EIF3A: variants seen among roughly 807,000 people sequenced by gnomAD.
The protein encoded by EIF3A is eukaryotic translation initiation factor 3 subunit A, also known as EIF3, p180 subunit.
EIF3A carries 21 observed loss-of-function variants against 186.6 expected under a neutral mutation model. The ratio of observed to expected loss-of-function variants is 0.11; its 90% CI spans 0.08 to 0.16. The LOEUF (loss-of-function observed/expected upper bound fraction) is 0.16, where lower values mean the gene tolerates loss of function less well. EIF3A is among the 10% of genes least tolerant of loss of function. The pLI is 1.00. For synonymous variants in EIF3A, 563 were observed against 584.3 expected (o/e 0.96, Z 0.52); for missense variants, 1,306 against 1,796.3 (o/e 0.73, Z 4.93).
At chr10:119,038,886 C>T (rs749811782) in intron 19 of EIF3A, among the ~76,000 whole-genome samples, 19 of 152,050 alleles carry the variant, frequency 1.2e-4, no homozygotes, top group Non-Finnish European at 2.6e-4. Context: ...GATAGTGCCA[C>T]TGTACTCCAG....
chr10:119,044,512 T>C (rs1848256157), intron 17 of EIF3A, among the ~76,000 whole-genome samples: 1 of 152,220 alleles, frequency 6.6e-6, no homozygotes, highest in Admixed American at 6.5e-5. Context: ...TTTTATTTAA[T>C]GTCTAATGGG....
intron 15 of EIF3A, 109 bp downstream of exon 15, chr10:119,051,090 G>A (rs1589688473): frequency 1.7e-5 from 16 of 921,222 alleles, no homozygotes; most frequent in East Asian, 1.0e-4. Flanking sequence ...TTGAATGACC[G>A]TTACACATAG....
chr10:119,060,913 C>CTT, intron 8 of EIF3A, 69 bp from the exon 9 acceptor site: 17 of 939,912 alleles, frequency 1.8e-5, no homozygotes, highest in South Asian at 3.3e-5. Context: ...ATCTAAAACT[C>CTT]TTTTTTTTTT....
In EIF3A at chr10:119,043,912, A is replaced by C. The variant is rs147039163; in HGVS notation, c.2747+142T>G. On this transcript the variant is annotated intron_variant, in intron 18 of 21. Coordinates refer to ENST00000369144, the MANE Select transcript of EIF3A (RefSeq NM_003750.4). Reference sequence around the variant, plus strand: ...GGCAGCAGACCCAAAAAAACAAAATACAAACCCACACGCAATCAGACATGC... The same window carrying C: ...GGCAGCAGACCCAAAAAAACAAAATCCAAACCCACACGCAATCAGACATGC... 198 of 668,376 alleles carry C rather than the reference A, an allele frequency of 3.0e-4. 1 individual carries two copies. The African/African-American group carries it at 3.3e-3, about 11-fold the overall frequency. 41.4% of individuals were successfully genotyped at this position (668,376 alleles called of 1,614,324 possible). A position where few individuals can be genotyped will look rare whatever the true frequency, so the allele number is the denominator to read the frequency against.
chr10:119,063,254 C>G (rs1488439484), intron 7 of EIF3A, among the ~76,000 whole-genome samples: 1 of 151,974 alleles, frequency 6.6e-6, no homozygotes, highest in African/African-American at 2.4e-5. Flanking sequence ...TGGGCAGTGG[C>G]AGCAGAAAAA....
chr10:119,057,416 T>C (rs1221582858), intron 12 of EIF3A, among the ~76,000 whole-genome samples: 1 of 152,178 alleles, frequency 6.6e-6, no homozygotes, highest in East Asian at 1.9e-4. Flanking sequence ...ATTCAAAACT[T>C]TGTTTCATGC....
intron 19 of EIF3A, among the ~76,000 whole-genome samples, chr10:119,040,906 T>C (rs1253204219): frequency 6.7e-6 from 1 of 148,662 alleles, no homozygotes; most frequent in East Asian, 2.0e-4. Context: ...CTCAGGAGGC[T>C]GAGGCAGGAG....
chr10:119,051,420 A>T (rs1186082970), intron 14 of EIF3A, 99 bp from the exon 15 acceptor site: 4 of 1,192,706 alleles, frequency 3.4e-6, no homozygotes, highest in Non-Finnish European at 4.6e-6. Flanking sequence ...AAGCTGCTCC[A>T]CTGCCCCTTC....
At chr10:119,077,400 G>A (rs947096821) in intron 1 of EIF3A, among the ~76,000 whole-genome samples, 2 of 151,368 alleles carry the variant, frequency 1.3e-5, no homozygotes, top group East Asian at 2.0e-4. Context: ...GCAGTGGGCC[G>A]AGATAGTGCC....
chr10:119,037,718 G>C (rs1292325579), intron 20 of EIF3A, among the ~76,000 whole-genome samples: 1 of 152,028 alleles, frequency 6.6e-6, no homozygotes, highest in Non-Finnish European at 1.5e-5. Flanking sequence ...GAACAAGCTA[G>C]AACTTCTACT....
chr10:119,063,452 T>C (rs879919983), intron 7 of EIF3A, among the ~76,000 whole-genome samples: 5 of 152,240 alleles, frequency 3.3e-5, no homozygotes, highest in Non-Finnish European at 5.9e-5. Context: ...AGAGTGAATA[T>C]AGGTGTTTCC....
At position 119,033,683 on chromosome 10, in the gene EIF3A, T is replaced by C. The variant is rs1201596637; in HGVS notation, c.*2356A>G. On this transcript the variant is annotated 3_prime_UTR_variant, in exon 22 of 22. Transcript: ENST00000369144. ...GATGAGAACAACTTTTGTCATAGAT[T>C]TGATTTATTAAACCAAAATTATACA... is the stretch of plus-strand genomic sequence containing the variant. 1 of 166,544 alleles carries C rather than the reference T, an allele frequency of 6.0e-6. No homozygotes were observed. Among genetic ancestry groups the C allele is most frequent in the East Asian group, 1.9e-4 (1 of 5,208 alleles). 10.3% of individuals were successfully genotyped at this position (166,544 alleles called of 1,614,324 possible).
In EIF3A at chr10:119,057,049, T is replaced by C. The variant is rs1476817557; in HGVS notation, c.1978-9A>G. 1 of 1,527,266 alleles carries C rather than the reference T, an allele frequency of 6.5e-7. No homozygotes were observed. Among genetic ancestry groups the C allele is most frequent in the Non-Finnish European group, 9.0e-7 (1 of 1,110,412 alleles). The allele number at this position is 1,527,266 out of a possible 1,614,324, so 94.6% of individuals were successfully genotyped here. ...TCCAATTCCTCAAGGTCCTGAAAGG[T>C]AATACAAATGCACAATTGTTAATAA... On this transcript the variant is annotated splice_polypyrimidine_tract_variant and intron_variant, in intron 12 of 21. Transcript: ENST00000369144.
chr10:119,041,000 G>A (rs1473164840), intron 19 of EIF3A, among the ~76,000 whole-genome samples: 19 of 85,570 alleles, frequency 2.2e-4, no homozygotes, highest in African/African-American at 6.6e-4. Context: ...GCGAGACTCC[G>A]TCTCCAAAAA....
At chr10:119,054,425 C>T (rs563139913) in intron 14 of EIF3A, among the ~76,000 whole-genome samples, 1 of 151,936 alleles carries the variant, frequency 6.6e-6, no homozygotes, top group Admixed American at 6.6e-5. Flanking sequence ...ATTTCAAGAA[C>T]TCTTCCGGGC....
chr10:119,044,798 A>G (rs953189202), intron 17 of EIF3A, among the ~76,000 whole-genome samples: 11 of 152,298 alleles, frequency 7.2e-5, no homozygotes, highest in Admixed American at 3.3e-4. Flanking sequence ...CAGTTACCCA[A>G]CATCACACTA....
At chr10:119,060,925 A>G in intron 8 of EIF3A, 81 bp from the exon 9 acceptor site, 1 of 944,646 alleles carries the variant, frequency 1.1e-6, no homozygotes, top group Admixed American at 2.5e-5. Context: ...TTTTTTTTTA[A>G]TATACAAAAA....
rs778286189 is a variant in EIF3A, at chr10:119,034,092, T to A, written c.*1947A>T. 5 of 167,098 alleles carry A rather than the reference T, an allele frequency of 3.0e-5. No homozygotes were observed. Among genetic ancestry groups the A allele is most frequent in the Non-Finnish European group, 7.3e-5 (5 of 68,166 alleles). 10.4% of individuals were successfully genotyped at this position (167,098 alleles called of 1,614,324 possible). ...CATGGAAGACCACCTAGCAGATCGG[T>A]GAGTAGGCTGCTTGTTCAGCTTTCC... On this transcript the variant is annotated 3_prime_UTR_variant, in exon 22 of 22. Coordinates refer to ENST00000369144, the MANE Select transcript of EIF3A (RefSeq NM_003750.4).
At chr10:119,056,545 CTT>C (rs1168987024) in intron 14 of EIF3A, among the ~76,000 whole-genome samples, 193 bp downstream of exon 14, 27 of 152,114 alleles carry the variant, frequency 1.8e-4, no homozygotes, top group Non-Finnish European at 3.7e-4. Context: ...TTCAGTTGTC[CTT>C]TGTTTTCCAA....
Sources: gnomAD v4.1 joint callset for allele counts (sites outside exome capture counted in the v4.1 genomes callset) on GRCh38, gnomAD v4.1.1 for gene constraint, MANE v1.5 for transcripts, NCBI Gene and HGNC (gene_info 2026-07-23, HGNC 2026-07-21) for gene names.